The following EXOC6 variants were observed in gnomAD, a reference collection of about 807,000 sequenced individuals.
The protein encoded by EXOC6 is SEC15-like 1.
EXOC6 carries 60 observed loss-of-function variants against 112.5 expected under a neutral mutation model. The ratio of observed to expected loss-of-function variants is 0.53; its 90% CI spans 0.43 to 0.66. The LOEUF is 0.66. EXOC6 is among the 30% of genes least tolerant of loss of function. The pLI is 0.00. For missense variants in EXOC6, 855 were observed against 957.1 expected, an observed-to-expected ratio of 0.89 and a Z score of 1.41; for synonymous variants, 295 against 308.0, an observed-to-expected ratio of 0.96 and a Z score of 0.44.
chr10:92,922,980 A>T lies in EXOC6; in HGVS notation c.888+2930A>T, dbSNP rs1193987174. Among the ~76,000 whole-genome samples the T allele has an allele frequency of 3.9e-5, 6 of 152,220 alleles. No individual in the cohort carries two copies. The East Asian group carries it at 9.6e-4, about 24-fold the overall frequency. On this transcript the variant is annotated intron_variant, in intron 8 of 21. Coordinates refer to ENST00000260762, the MANE Select transcript of EXOC6 (RefSeq NM_019053.6). ...TAAAAATGATCTGTTTGGGAAGCCC[A>T]ACCTGTCTTCAGAATAGTTCTTCTC...
At chr10:92,877,800 T>C (rs1848746542) in intron 1 of EXOC6, among the ~76,000 whole-genome samples, 1 of 152,182 alleles carries the variant, frequency 6.6e-6, no homozygotes, top group Admixed American at 6.5e-5. Context: ...ATTTAACAAA[T>C]TAAATATATA....
intron 1 of EXOC6, among the ~76,000 whole-genome samples, chr10:92,873,779 G>A (rs572448873): frequency 1.6e-4 from 24 of 152,188 alleles, no homozygotes; most frequent in African/African-American, 5.3e-4. Flanking sequence ...GGCCAGGCAC[G>A]GTGGCTCATG....
At chr10:92,954,590 A>G (rs1564859077) in intron 15 of EXOC6, 40 bp from the exon 16 acceptor site, 4 of 983,164 alleles carry the variant, frequency 4.1e-6, no homozygotes, top group Middle Eastern at 2.5e-4. Flanking sequence ...AACCACATTC[A>G]TTATTTATTA....
At chr10:92,845,950 C>A (rs149144762), upstream of EXOC6, among the ~76,000 whole-genome samples, 55 of 152,256 alleles carry the variant, frequency 3.6e-4, no homozygotes, top group Non-Finnish European at 6.6e-4. Flanking sequence ...AAAAAACCAA[C>A]CAAACAAACA....
At chr10:92,935,955 A>C in intron 12 of EXOC6, 70 bp downstream of exon 12, 2 of 950,166 alleles carry the variant, frequency 2.1e-6, no homozygotes, top group Non-Finnish European at 3.2e-6. Context: ...GGCTATACTC[A>C]TTTATGTTAT....
rs2134087606 is a variant in EXOC6 at position 92,973,958 on chromosome 10, A to C, written c.1774-95A>C. On this transcript the variant is annotated intron_variant, in intron 17 of 21. Coordinates refer to ENST00000260762, the MANE Select transcript of EXOC6 (RefSeq NM_019053.6). The stretch of plus-strand genomic sequence containing the variant: ...ACTTTGAATAAATGGCTAAAATATT[A>C]AACCAAAGGTAAATGTAAAATAATA... 26 of 1,082,676 alleles carry C rather than the reference A, an allele frequency of 2.4e-5. No individual in the cohort carries two copies. In the South Asian group the frequency reaches 4.1e-4, roughly 17 times the overall value. The allele number at this position is 1,082,676 out of a possible 1,614,324, so 67.1% of individuals were successfully genotyped here.
intron 1 of EXOC6, among the ~76,000 whole-genome samples, chr10:92,860,993 A>G (rs558854178): frequency 2.2e-4 from 33 of 152,300 alleles, no homozygotes; most frequent in Admixed American, 1.4e-3. Context: ...CACTGCAGGA[A>G]GGCTCTTCTT....
chr10:92,912,399 G>T (rs977727557), intron 6 of EXOC6, among the ~76,000 whole-genome samples: 1 of 152,024 alleles, frequency 6.6e-6, no homozygotes, highest in African/African-American at 2.4e-5. Flanking sequence ...CTGGGTCCAG[G>T]GGGGTCACTG....
At chr10:93,015,601 C>CGG (rs1284453374) in intron 20 of EXOC6, among the ~76,000 whole-genome samples, 2 of 152,142 alleles carry the variant, frequency 1.3e-5, no homozygotes, top group African/African-American at 4.8e-5. Flanking sequence ...TGCGTGGTGG[C>CGG]ACATGCCTGT....
chr10:92,956,767 G>C (rs72813186), intron 17 of EXOC6, among the ~76,000 whole-genome samples: 5,786 of 152,162 alleles, frequency 0.038, 140 homozygotes, highest in Non-Finnish European at 0.055. Flanking sequence ...AGATAATATA[G>C]TACAGTGATT....
intron 18 of EXOC6, among the ~76,000 whole-genome samples, chr10:92,996,116 T>C (rs1287339108): frequency 6.6e-6 from 1 of 152,204 alleles, no homozygotes; most frequent in Non-Finnish European, 1.5e-5. Flanking sequence ...AATATAATTA[T>C]CAAATATGAC....
intron 17 of EXOC6, among the ~76,000 whole-genome samples, chr10:92,971,004 T>C (rs1472020386): frequency 1.3e-5 from 2 of 152,256 alleles, no homozygotes; most frequent in South Asian, 2.1e-4. Context: ...GGATCAAGTC[T>C]TCTGGTTTTT....
At chr10:93,028,791 G>A (rs1482754699) in intron 20 of EXOC6, among the ~76,000 whole-genome samples, 4 of 141,566 alleles carry the variant, frequency 2.8e-5, no homozygotes, top group Non-Finnish European at 1.5e-5. Context: ...CTGAGATCGT[G>A]CCATTGCACT....
intron 19 of EXOC6, among the ~76,000 whole-genome samples, chr10:93,006,618 T>G (rs1843996751): frequency 6.6e-6 from 1 of 152,182 alleles, no homozygotes; most frequent in Admixed American, 6.5e-5. Flanking sequence ...AGGCATAAGT[T>G]CTTCACCACC....
chr10:93,031,072 G>C (rs562629348), intron 20 of EXOC6, among the ~76,000 whole-genome samples: 2 of 152,192 alleles, frequency 1.3e-5, no homozygotes, highest in African/African-American at 4.8e-5. Flanking sequence ...CGTTAATTTA[G>C]CTGTGAGCAC....
At chr10:92,974,441 T>C (rs1720836320) in intron 18 of EXOC6, among the ~76,000 whole-genome samples, 1 of 149,736 alleles carries the variant, frequency 6.7e-6, no homozygotes. Context: ...ACTGTAACTC[T>C]CTTTCCACCA....
At chr10:93,054,722 G>A (rs1008974565) in intron 20 of EXOC6, among the ~76,000 whole-genome samples, 1 of 152,158 alleles carries the variant, frequency 6.6e-6, no homozygotes, top group Non-Finnish European at 1.5e-5. Context: ...GGGTAAATCA[G>A]CCTAGAGAAA....
chr10:92,869,035 C>G lies in EXOC6; in HGVS notation c.101+20401C>G, dbSNP rs969305962. ...TATTTTATCATGTTAAGGAAACATT[C>G]ATCAATACCCACTTTATTTAGTGTT... On this transcript the variant is annotated intron_variant, in intron 1 of 21. Coordinates refer to ENST00000260762, the MANE Select transcript of EXOC6 (RefSeq NM_019053.6). Among the ~76,000 whole-genome samples, 6 of 152,084 alleles carry G rather than the reference C, an allele frequency of 3.9e-5. No individual in the cohort carries two copies. The East Asian group carries it at 1.2e-3, about 29-fold the overall frequency.
intron 20 of EXOC6, among the ~76,000 whole-genome samples, chr10:93,016,843 G>C (rs188366448): frequency 2.0e-5 from 3 of 148,494 alleles, no homozygotes; most frequent in East Asian, 2.0e-4. Flanking sequence ...ATGGCGTCTC[G>C]CTCTTGTCAC....
Sources: allele counts gnomAD v4.1 joint callset (sites outside exome capture counted in the v4.1 genomes callset), GRCh38; gene constraint gnomAD v4.1.1; transcripts MANE v1.5; gene names NCBI Gene and HGNC (gene_info 2026-07-23, HGNC 2026-07-21).